SMAD6: variants seen among roughly 807,000 people sequenced by gnomAD.
SMAD6 encodes SMAD family member 6.
Under a neutral mutation model 39.4 loss-of-function variants are expected in SMAD6, and 103 were observed. That is an observed-to-expected ratio of 2.62 (90% CI 2.23 to 3.08). The LOEUF (loss-of-function observed/expected upper bound fraction) is 3.08. Among genes scored for constraint, SMAD6 ranks in the 30% most tolerant of loss-of-function variants. The probability of loss-of-function intolerance (pLI) is 0.00; values close to 1 mark genes in which losing one functional copy is unlikely to be tolerated. For synonymous variants in SMAD6, 445 were observed against 353.3 expected, an observed-to-expected ratio of 1.26 and a Z score of -2.91; for missense variants, 1,104 against 742.9, an observed-to-expected ratio of 1.49 and a Z score of -5.65.
Position 66,703,478 on chromosome 15 carries a change from C to T in SMAD6, c.220C>T (p.Gln74Ter), listed in dbSNP as rs1567091382. 3 of 1,239,604 alleles carry T rather than the reference C, an allele frequency of 2.4e-6. No homozygotes were observed. The highest frequency in any genetic ancestry group is 2.0e-6 in the Non-Finnish European group (2 of 987,702). 76.8% of individuals were successfully genotyped at this position (1,239,604 alleles called of 1,614,324 possible). A position where few individuals can be genotyped will look rare whatever the true frequency, so the allele number is the denominator to read the frequency against. ...GCGGCGGCCCCGGGACGCAGTGGGA[C>T]AGCGAGGCGCCCAGGGCGCGGGGAG... The part of the protein sequence containing the change: ...APRRPRDAVG[Q>*]RGAQGAGRRR... The change falls in exon 1 of 4, where the codon CAG becomes TAG. Residue 74 changes from glutamine to a stop codon, truncating the protein, a stop_gained. Coordinates refer to ENST00000288840, the MANE Select transcript of SMAD6 (RefSeq NM_005585.5). LOFTEE classifies it high-confidence loss of function.
chr15:66,745,243 A>G (rs1391810412), intron 3 of SMAD6, among the ~76,000 whole-genome samples: 1 of 152,130 alleles, frequency 6.6e-6, no homozygotes, highest in African/African-American at 2.4e-5. Flanking sequence ...CCAGCCACAC[A>G]TCCTGCTTTT....
chr15:66,732,742 A>C (rs1204832149), intron 3 of SMAD6, among the ~76,000 whole-genome samples: 1 of 152,022 alleles, frequency 6.6e-6, no homozygotes, highest in African/African-American at 2.4e-5. Flanking sequence ...CAGCCATTTA[A>C]AATATATGTG....
chr15:66,728,964 G>A (rs1386194635), intron 3 of SMAD6, among the ~76,000 whole-genome samples: 2 of 152,194 alleles, frequency 1.3e-5, no homozygotes, highest in East Asian at 3.8e-4. Flanking sequence ...CATTATATGT[G>A]TGGTCAGCCT....
chr15:66,741,328 A>G (rs1265940236), intron 3 of SMAD6, among the ~76,000 whole-genome samples: 1 of 30,510 alleles, frequency 3.3e-5, no homozygotes, highest in Non-Finnish European at 7.3e-5. Flanking sequence ...TTTGCCTCAA[A>G]CCCCACCCTC....
intron 3 of SMAD6, among the ~76,000 whole-genome samples, chr15:66,749,421 G>T (rs777802015): frequency 5.3e-5 from 8 of 152,154 alleles, no homozygotes; most frequent in Non-Finnish European, 1.2e-4. Flanking sequence ...TCACGCCATT[G>T]CACTCCAGCC....
chr15:66,715,030 C>CT (rs5813400), intron 2 of SMAD6, among the ~76,000 whole-genome samples: 28,937 of 131,856 alleles, frequency 0.22, 3,186 homozygotes, highest in Middle Eastern at 0.29. Flanking sequence ...GAGCACTGAG[C>CT]TTTTTTTTTT....
chr15:66,712,435 T>C (rs1456454532), intron 2 of SMAD6, among the ~76,000 whole-genome samples: 1 of 152,136 alleles, frequency 6.6e-6, no homozygotes, highest in Non-Finnish European at 1.5e-5. Flanking sequence ...TCCCAGCACT[T>C]TGGGAGGCCA....
At chr15:66,716,698 G>T (rs1893337380) in intron 3 of SMAD6, among the ~76,000 whole-genome samples, 200 bp downstream of exon 3, 1 of 152,192 alleles carries the variant, frequency 6.6e-6, no homozygotes, top group South Asian at 2.1e-4. Context: ...AGTGAAACCT[G>T]AAGATAACTT....
intron 3 of SMAD6, among the ~76,000 whole-genome samples, chr15:66,733,219 T>A (rs1168095112): frequency 6.6e-6 from 1 of 152,230 alleles, no homozygotes; most frequent in Non-Finnish European, 1.5e-5. Context: ...TTATAGTAAG[T>A]TTTGAAATCA....
chr15:66,713,523 T>C (rs1030041957), intron 2 of SMAD6, among the ~76,000 whole-genome samples: 2 of 152,200 alleles, frequency 1.3e-5, no homozygotes, highest in Non-Finnish European at 2.9e-5. Flanking sequence ...TTTTACCATA[T>C]TGGCCAGGCT....
At chr15:66,766,785 G>C (rs1242536233) in intron 3 of SMAD6, among the ~76,000 whole-genome samples, 1 of 152,170 alleles carries the variant, frequency 6.6e-6, no homozygotes, top group East Asian at 1.9e-4. Context: ...GAAGGCACTT[G>C]GGCATTGCCA....
chr15:66,708,599 C>A, intron 1 of SMAD6: 1 of 400,712 alleles, frequency 2.5e-6, no homozygotes, highest in South Asian at 1.8e-5. Flanking sequence ...TGAAAAAGAA[C>A]GAAGTCCAGC....
chr15:66,771,001 T>C (rs1894370184), intron 3 of SMAD6, among the ~76,000 whole-genome samples: 1 of 152,072 alleles, frequency 6.6e-6, no homozygotes, highest in African/African-American at 2.4e-5. Flanking sequence ...GAGAGTGTAG[T>C]GAAGGGAGCT....
At chr15:66,721,996 T>C (rs1461027727) in intron 3 of SMAD6, among the ~76,000 whole-genome samples, 2 of 152,138 alleles carry the variant, frequency 1.3e-5, no homozygotes, top group East Asian at 3.8e-4. Context: ...TGCAAAGACC[T>C]GGAGGTGTGA....
chr15:66,739,598 T>C (rs1567103633), intron 3 of SMAD6, among the ~76,000 whole-genome samples: 1 of 152,178 alleles, frequency 6.6e-6, no homozygotes, highest in Non-Finnish European at 1.5e-5. Context: ...ACCTATTTGC[T>C]CTTGTTTTGC....
intron 3 of SMAD6, among the ~76,000 whole-genome samples, chr15:66,758,007 G>C (rs1215201712): frequency 6.6e-6 from 1 of 152,142 alleles, no homozygotes; most frequent in African/African-American, 2.4e-5. Context: ...AGTGGGCGTG[G>C]GACCCTCCTT....
intron 3 of SMAD6, among the ~76,000 whole-genome samples, chr15:66,750,727 G>A (rs1266770307): frequency 6.6e-6 from 1 of 152,192 alleles, no homozygotes; most frequent in Non-Finnish European, 1.5e-5. Context: ...TCTGTGGGCA[G>A]TCGGAGCCGA....
In SMAD6 at chr15:66,702,769, T is replaced by G; in HGVS notation, c.-490T>G. 6.5e-6 allele frequency: 1 copy of G among 153,356 alleles called. No individual in the cohort carries two copies. Among genetic ancestry groups the G allele is most frequent in the Non-Finnish European group, 1.5e-5 (1 of 68,812 alleles). The allele number at this position is 153,356 out of a possible 1,614,324, so 9.5% of individuals were successfully genotyped here. A position where few individuals can be genotyped will look rare whatever the true frequency, so the allele number is the denominator to read the frequency against. ...GCTGGGGGTATCAACAAGCCTGCCT[T>G]TCGGATCCTGCGGGAAAAGCCCATG... On this transcript the variant is annotated 5_prime_UTR_variant, in exon 1 of 4. Transcript: ENST00000288840.
intron 3 of SMAD6, among the ~76,000 whole-genome samples, chr15:66,726,567 C>T (rs1312285121): frequency 6.6e-6 from 1 of 152,154 alleles, no homozygotes; most frequent in East Asian, 1.9e-4. Flanking sequence ...CCTGGCTGCC[C>T]AGCTGTCTTA....
Sources: gnomAD v4.1 joint callset for allele counts (sites outside exome capture counted in the v4.1 genomes callset) on GRCh38, gnomAD v4.1.1 for gene constraint, MANE v1.5 for transcripts, NCBI Gene and HGNC (gene_info 2026-07-23, HGNC 2026-07-21) for gene names.